Variants in CUL3 observed in about 807,000 individuals in gnomAD.
CUL3 encodes cullin 3, also known as cullin-3.
CUL3 carries 19 observed loss-of-function variants against 89.1 expected under a neutral mutation model. That is an observed-to-expected ratio of 0.21 (90% CI 0.15 to 0.31). The LOEUF (loss-of-function observed/expected upper bound fraction) is 0.31, where lower values mean the gene tolerates loss of function less well. Among genes scored for constraint, CUL3 ranks in the 10% least tolerant of loss-of-function variants. The pLI, the probability that CUL3 is intolerant of heterozygous loss-of-function variation, is 1.00. For missense variants in CUL3, 469 were observed against 942.3 expected (o/e 0.50, Z 6.58); for synonymous variants, 351 against 308.4 (o/e 1.14, Z -1.45).
chr2:224,532,965 T>C (rs1693748100), intron 3 of CUL3: 1 of 152,098 alleles, frequency 6.6e-6, no homozygotes, highest in Non-Finnish European at 1.5e-5. Context: ...CGGCAAAAAA[T>C]GAGCATAGTT....
At chr2:224,541,843 A>T (rs1694117910) in intron 2 of CUL3, among the ~76,000 whole-genome samples, 1 of 152,168 alleles carries the variant, frequency 6.6e-6, no homozygotes, top group Non-Finnish European at 1.5e-5. Context: ...TCTTGAAAAA[A>T]AAAATCCAAA....
intron 6 of CUL3, among the ~76,000 whole-genome samples, chr2:224,509,641 T>C (rs541905854): frequency 1.3e-5 from 2 of 152,364 alleles, no homozygotes; most frequent in South Asian, 4.1e-4. Flanking sequence ...TTCACGTAAG[T>C]GCTCGCCATG....
Position 224,473,545 on chromosome 2 carries a change from T to C in CUL3, c.*700A>G, listed in dbSNP as rs1559332262. Reference sequence around the variant, plus strand: ...CACATACTAAAATACTTTCTTTCTCTAGAAATAACTCAGAACAAAACCTAA... The same window carrying C: ...CACATACTAAAATACTTTCTTTCTCCAGAAATAACTCAGAACAAAACCTAA... On this transcript the variant is annotated 3_prime_UTR_variant, in exon 16 of 16. Transcript: ENST00000264414. The C allele has an allele frequency of 5.4e-6, 1 of 183,600 alleles. No homozygotes were observed. Among genetic ancestry groups the C allele is most frequent in the Non-Finnish European group, 1.2e-5 (1 of 86,130 alleles). The allele number at this position is 183,600 out of a possible 1,614,324, so 11.4% of individuals were successfully genotyped here. A position where few individuals can be genotyped will look rare whatever the true frequency, so the allele number is the denominator to read the frequency against.
intron 1 of CUL3, among the ~76,000 whole-genome samples, chr2:224,582,111 T>C (rs907546483): frequency 2.6e-5 from 4 of 152,060 alleles, no homozygotes; most frequent in Admixed American, 2.0e-4. Context: ...TTTACAGGCA[T>C]CCGCCACCAC....
chr2:224,563,937 C>T (rs1318099087), intron 1 of CUL3, among the ~76,000 whole-genome samples: 1 of 151,930 alleles, frequency 6.6e-6, no homozygotes, highest in Non-Finnish European at 1.5e-5. Flanking sequence ...GGTGAAAGTT[C>T]TCTACTTAAT....
intron 10 of CUL3, 110 bp from the exon 11 acceptor site, chr2:224,500,597 T>C (rs897695568): frequency 4.5e-6 from 4 of 879,412 alleles, no homozygotes; most frequent in African/African-American, 1.7e-5. Context: ...ATGTCTAATA[T>C]CTAATTTAAA....
chr2:224,481,810 A>T, intron 14 of CUL3, 82 bp downstream of exon 14: 2 of 1,012,226 alleles, frequency 2.0e-6, no homozygotes, highest in Non-Finnish European at 2.7e-6. Context: ...GAGTATTTTT[A>T]AAAGAAATCC....
chr2:224,561,743 C>T (rs1174464741), intron 1 of CUL3, among the ~76,000 whole-genome samples: 4 of 152,174 alleles, frequency 2.6e-5, no homozygotes, highest in Admixed American at 1.3e-4. Flanking sequence ...TGTACTGATG[C>T]GGCTAACTTT....
At chr2:224,543,972 G>T (rs1186924588) in intron 2 of CUL3, among the ~76,000 whole-genome samples, 1 of 151,908 alleles carries the variant, frequency 6.6e-6, no homozygotes, top group African/African-American at 2.4e-5. Context: ...GTGACAGAGT[G>T]AGACCCCTCC....
rs1194137719 is a variant in CUL3, at chr2:224,472,660, G to A, written c.*1585C>T. Reference sequence around the variant, plus strand: ...TGTAGAGATAAAGAGCACAAGGCTTGTAATTCTACAGTACAGATGGAGACA... The same window carrying A: ...TGTAGAGATAAAGAGCACAAGGCTTATAATTCTACAGTACAGATGGAGACA... On this transcript the variant is annotated 3_prime_UTR_variant, in exon 16 of 16. Transcript: ENST00000264414. 2 of 191,392 alleles carry A rather than the reference G, an allele frequency of 1.0e-5. No homozygotes were observed. Among genetic ancestry groups the A allele is most frequent in the Non-Finnish European group, 2.2e-5 (2 of 91,212 alleles). The allele number at this position is 191,392 out of a possible 1,614,324, so 11.9% of individuals were successfully genotyped here. A position where few individuals can be genotyped will look rare whatever the true frequency, so the allele number is the denominator to read the frequency against.
chr2:224,567,858 G>T (rs993457837), intron 1 of CUL3, among the ~76,000 whole-genome samples: 1 of 152,128 alleles, frequency 6.6e-6, no homozygotes, highest in East Asian at 1.9e-4. Flanking sequence ...GGCACACCAT[G>T]ACCCTGTTCA....
chr2:224,482,604 G>T (rs1691576169), intron 13 of CUL3, among the ~76,000 whole-genome samples: 1 of 151,856 alleles, frequency 6.6e-6, no homozygotes, highest in Non-Finnish European at 1.5e-5. Context: ...AAAAAACCTG[G>T]AATTACATTA....
At chr2:224,515,634 C>T (rs985664708) in intron 3 of CUL3, among the ~76,000 whole-genome samples, 1 of 152,040 alleles carries the variant, frequency 6.6e-6, no homozygotes, top group Non-Finnish European at 1.5e-5. Context: ...ATAAGGTGAA[C>T]ATGAACAGAG....
intron 1 of CUL3, among the ~76,000 whole-genome samples, chr2:224,580,177 A>G (rs1487646851): frequency 6.6e-6 from 1 of 152,226 alleles, no homozygotes; most frequent in African/African-American, 2.4e-5. Context: ...ACATTATCAA[A>G]AAGATGTGAA....
At chr2:224,578,128 G>T (rs573893679) in intron 1 of CUL3, among the ~76,000 whole-genome samples, 285 of 152,228 alleles carry the variant, frequency 1.9e-3, no homozygotes, top group African/African-American at 6.6e-3. Context: ...ATATATTTCA[G>T]TTACGTGCAG....
intron 15 of CUL3, among the ~76,000 whole-genome samples, chr2:224,476,391 G>A (rs962354930): frequency 6.6e-6 from 1 of 152,138 alleles, no homozygotes; most frequent in South Asian, 2.1e-4. Context: ...AATCTCTGGT[G>A]TAGACTAACA....
At chr2:224,510,305 T>G (rs1419931039) in intron 6 of CUL3, among the ~76,000 whole-genome samples, 1 of 151,522 alleles carries the variant, frequency 6.6e-6, no homozygotes, top group Non-Finnish European at 1.5e-5. Context: ...TTTTGTTTTT[T>G]TTTTGTTTTT....
chr2:224,569,620 A>C, intron 1 of CUL3: 1 of 743,956 alleles, frequency 1.3e-6, no homozygotes, highest in East Asian at 1.2e-4. Context: ...ACATTACTTC[A>C]GATGATATAA....
At chr2:224,570,200 T>C (rs983401855) in intron 1 of CUL3, among the ~76,000 whole-genome samples, 10 of 152,172 alleles carry the variant, frequency 6.6e-5, no homozygotes, top group Admixed American at 6.5e-4. Context: ...GGAGTCTTAT[T>C]TGATGACCAA....
Sources: gnomAD v4.1 joint callset for allele counts (sites outside exome capture counted in the v4.1 genomes callset) on GRCh38, gnomAD v4.1.1 for gene constraint, MANE v1.5 for transcripts, NCBI Gene and HGNC (gene_info 2026-07-23, HGNC 2026-07-21) for gene names.